ALPK1: variants seen among roughly 807,000 people sequenced by gnomAD.
The protein encoded by ALPK1 is alpha kinase 1, also known as alpha-protein kinase 1.
A neutral mutation model predicts 120.6 loss-of-function variants in ALPK1; 110 were observed. The ratio of observed to expected loss-of-function variants is 0.91; its 90% CI spans 0.78 to 1.07. ALPK1 has a LOEUF of 1.07. Among genes scored for constraint, ALPK1 ranks in the 50% least tolerant of loss-of-function variants. ALPK1 has a pLI of 0.00. For synonymous variants in ALPK1, 582 were observed against 560.3 expected (o/e 1.04, Z -0.55); for missense variants, 1,498 against 1,483.9 (o/e 1.01, Z -0.16).
chr4:112,300,316 CCCTT>C (rs1400744431), intron 1 of ALPK1, among the ~76,000 whole-genome samples: 3 of 151,948 alleles, frequency 2.0e-5, no homozygotes, highest in East Asian at 3.9e-4. Flanking sequence ...TAGATTCTTT[CCCTT>C]CCTTCTATTT....
chr4:112,373,079 T>G (rs889610520), intron 2 of ALPK1, among the ~76,000 whole-genome samples: 4 of 152,266 alleles, frequency 2.6e-5, no homozygotes, highest in Non-Finnish European at 5.9e-5. Context: ...CTCCAACTTA[T>G]CTGCAGCTCA....
At chr4:112,398,723 A>G (rs958711935) in intron 4 of ALPK1, among the ~76,000 whole-genome samples, 1 of 152,158 alleles carries the variant, frequency 6.6e-6, no homozygotes, top group Non-Finnish European at 1.5e-5. Flanking sequence ...GGAACACCAG[A>G]GGCAAGAGCA....
chr4:112,356,424 C>A (rs1007404635), intron 2 of ALPK1: 7 of 875,316 alleles, frequency 8.0e-6, no homozygotes, highest in Middle Eastern at 2.4e-4. Context: ...TAATGGAGAC[C>A]CCTTAGCTTG....
intron 12 of ALPK1, among the ~76,000 whole-genome samples, chr4:112,437,799 T>A (rs1734849683): frequency 6.6e-6 from 1 of 152,210 alleles, no homozygotes; most frequent in African/African-American, 2.4e-5. Context: ...ACTCAAACAA[T>A]TCCCCTTGAT....
In ALPK1 at chr4:112,310,053, A is replaced by G. The variant is rs975344580; in HGVS notation, c.-152-5748A>G. ...ATCTTTTTATCTCTGAATTCCCAGT[A>G]CCTAGCCCAATGCATGACACATTGT... On this transcript the variant is annotated intron_variant, in intron 1 of 15. Transcript: ENST00000650871. Among the ~76,000 whole-genome samples the G allele has an allele frequency of 8.5e-5, 13 of 152,226 alleles. No individual in the cohort carries two copies. In the South Asian group the frequency reaches 1.9e-3, roughly 22 times the overall value.
At chr4:112,369,725 A>T (rs1358178410) in intron 2 of ALPK1, among the ~76,000 whole-genome samples, 1 of 152,216 alleles carries the variant, frequency 6.6e-6, no homozygotes, top group Non-Finnish European at 1.5e-5. Context: ...ATAATTATTC[A>T]TGTACATATG....
intron 1 of ALPK1, among the ~76,000 whole-genome samples, chr4:112,309,450 G>T (rs1728294684): frequency 1.3e-5 from 2 of 152,136 alleles, no homozygotes; most frequent in South Asian, 2.1e-4. Context: ...AGCAATGGCA[G>T]ACGCCCCTCC....
At chr4:112,348,622 G>A (rs918196536) in intron 2 of ALPK1, among the ~76,000 whole-genome samples, 1 of 152,196 alleles carries the variant, frequency 6.6e-6, no homozygotes, top group Non-Finnish European at 1.5e-5. Flanking sequence ...CGGACATCCA[G>A]GCGGTTCTCC....
chr4:112,302,860 T>C (rs1560627743), intron 1 of ALPK1, among the ~76,000 whole-genome samples: 1 of 152,288 alleles, frequency 6.6e-6, no homozygotes, highest in East Asian at 1.9e-4. Context: ...GCTCCATTTC[T>C]TCACCTTTTA....
chr4:112,403,233 G>A (rs1385706616), intron 4 of ALPK1, among the ~76,000 whole-genome samples: 1 of 150,316 alleles, frequency 6.7e-6, no homozygotes, highest in Non-Finnish European at 1.5e-5. Flanking sequence ...ATTTTGGGAA[G>A]ATTCCCAGGA....
At chr4:112,304,105 T>C (rs1187044947) in intron 1 of ALPK1, among the ~76,000 whole-genome samples, 1 of 152,204 alleles carries the variant, frequency 6.6e-6, no homozygotes, top group Non-Finnish European at 1.5e-5. Context: ...CTGCATAGTA[T>C]TCCATGGTGT....
At chr4:112,330,739 A>G (rs1379638954) in intron 2 of ALPK1, among the ~76,000 whole-genome samples, 1 of 152,180 alleles carries the variant, frequency 6.6e-6, no homozygotes, top group African/African-American at 2.4e-5. Context: ...GTAATAGATT[A>G]TTGCTTTGCT....
At chr4:112,356,180 C>G in intron 2 of ALPK1, 2 of 1,607,834 alleles carry the variant, frequency 1.2e-6, no homozygotes, top group Non-Finnish European at 1.7e-6. Context: ...CTTCCCTTCC[C>G]AGCCCTACAA....
chr4:112,430,838 T>C lies in ALPK1; in HGVS notation c.1291T>C (p.Ser431Pro). 1 of 1,614,174 alleles carries C rather than the reference T, an allele frequency of 6.2e-7. No individual in the cohort carries two copies. Among genetic ancestry groups the C allele is most frequent in the East Asian group, 2.2e-5 (1 of 44,886 alleles). ...AAGCTTCTCAAATGTAGATGACAGATCTTATGTTCCCGAGAGTTTCGAGTG... is the reference window on the plus strand; with the variant it reads ...AAGCTTCTCAAATGTAGATGACAGACCTTATGTTCCCGAGAGTTTCGAGTG... Reference protein sequence around the residue: ...VQSFSNVDDRSYVPESFECRL... With the variant: ...VQSFSNVDDRPYVPESFECRL... The change falls in exon 11 of 16, where the codon TCT becomes CCT. Residue 431 changes from serine (S) to proline (P), a missense_variant. Ser to Pro is a moderately conservative substitution (Grantham distance 74, BLOSUM62 -1). Transcript: ENST00000650871.
intron 2 of ALPK1, among the ~76,000 whole-genome samples, chr4:112,324,339 A>AG (rs59046993): frequency 0.38 from 54,954 of 145,792 alleles, 11,202 homozygotes; most frequent in African/African-American, 0.51. Context: ...AAAAAAAAAA[A>AG]AGAAAAAAAA....
intron 1 of ALPK1, chr4:112,302,624 T>C (rs2110519112): frequency 6.6e-6 from 1 of 152,382 alleles, no homozygotes; most frequent in South Asian, 2.1e-4. Context: ...AAACCAATCC[T>C]TACAACTGGA....
intron 2 of ALPK1, among the ~76,000 whole-genome samples, chr4:112,375,991 T>C (rs1286309796): frequency 6.6e-6 from 1 of 152,140 alleles, no homozygotes; most frequent in Non-Finnish European, 1.5e-5. Flanking sequence ...GAGGAAAAGA[T>C]AGTAAGAAAT....
intron 13 of ALPK1, 125 bp downstream of exon 13, chr4:112,438,771 T>C: frequency 9.3e-7 from 1 of 1,071,632 alleles, no homozygotes; most frequent in South Asian, 1.6e-5. Context: ...GTGTTGTCCC[T>C]GTACTTTCCA....
At chr4:112,372,414 G>A (rs1046340506) in intron 2 of ALPK1, among the ~76,000 whole-genome samples, 41 of 151,998 alleles carry the variant, frequency 2.7e-4, no homozygotes, top group South Asian at 2.1e-4. Context: ...GGGTTTCTCC[G>A]TAGCCAGGAT....
Sources: allele counts gnomAD v4.1 joint callset (sites outside exome capture counted in the v4.1 genomes callset), GRCh38; gene constraint gnomAD v4.1.1; transcripts MANE v1.5; gene names NCBI Gene and HGNC (gene_info 2026-07-23, HGNC 2026-07-21).